The following DIAPH3 variants were observed in gnomAD, a reference collection of about 807,000 sequenced individuals.
DIAPH3 encodes protein diaphanous homolog 3.
Under a neutral mutation model 144.3 loss-of-function variants are expected in DIAPH3, and 117 were observed. The observed-to-expected ratio is 0.81, with a 90% CI of 0.70 to 0.95. DIAPH3 has a LOEUF of 0.95. Among genes scored for constraint, DIAPH3 ranks in the 40% least tolerant of loss-of-function variants. The probability of loss-of-function intolerance (pLI) is 0.00; values close to 1 mark genes in which losing one functional copy is unlikely to be tolerated. For synonymous variants in DIAPH3, 519 were observed against 488.9 expected (o/e 1.06, Z -0.81); for missense variants, 1,421 against 1,412.7 (o/e 1.01, Z -0.09).
At chr13:60,056,854 G>A (rs1054112046) in intron 4 of DIAPH3, among the ~76,000 whole-genome samples, 2 of 151,890 alleles carry the variant, frequency 1.3e-5, no homozygotes, top group African/African-American at 4.8e-5. Flanking sequence ...ACAACAATGT[G>A]CTGGAACTAG....
chr13:59,774,611 C>T lies in DIAPH3; in HGVS notation c.3259+117G>A, dbSNP rs1313991667. The T allele has an allele frequency of 4.2e-6, 4 of 957,596 alleles. No homozygotes were observed. The Admixed American group carries it at 5.9e-5, about 14-fold the overall frequency. The allele number at this position is 957,596 out of a possible 1,614,324, so 59.3% of individuals were successfully genotyped here. A position where few individuals can be genotyped will look rare whatever the true frequency, so the allele number is the denominator to read the frequency against. On this transcript the variant is annotated intron_variant, in intron 26 of 27. Transcript: ENST00000400324. Reference sequence around the variant, plus strand: ...TAAGCAAACTTATGAAACTTCTGAACAGTTGTTGCCCACGGCACTGCATTC... The same window carrying T: ...TAAGCAAACTTATGAAACTTCTGAATAGTTGTTGCCCACGGCACTGCATTC...
chr13:59,782,629 C>T (rs1385887803), intron 25 of DIAPH3, among the ~76,000 whole-genome samples: 1 of 152,018 alleles, frequency 6.6e-6, no homozygotes, highest in Non-Finnish European at 1.5e-5. Context: ...GATTCTTGAC[C>T]TAAAGATGCT....
At chr13:59,861,184 T>A (rs2043558592) in intron 22 of DIAPH3, 1 of 1,407,250 alleles carries the variant, frequency 7.1e-7, no homozygotes, top group Admixed American at 2.8e-5. Context: ...TAAAACAAAG[T>A]ATTTTATAAT....
intron 22 of DIAPH3, among the ~76,000 whole-genome samples, chr13:59,853,103 C>T (rs150855698): frequency 1.1e-3 from 161 of 152,272 alleles, no homozygotes; most frequent in African/African-American, 3.6e-3. Flanking sequence ...GAATAAGAAA[C>T]TTGTCTAAGA....
intron 18 of DIAPH3, among the ~76,000 whole-genome samples, chr13:59,921,432 G>C (rs1173050765): frequency 6.6e-6 from 1 of 151,404 alleles, no homozygotes; most frequent in Non-Finnish European, 1.5e-5. Context: ...AATTATATGA[G>C]ACTATTTTGA....
chr13:59,734,453 G>A (rs1046930320), intron 27 of DIAPH3, among the ~76,000 whole-genome samples: 2 of 152,038 alleles, frequency 1.3e-5, no homozygotes, highest in African/African-American at 2.4e-5. Context: ...TTATTGAATT[G>A]ATGAGTAGAT....
chr13:60,030,920 G>A (rs570534894), intron 5 of DIAPH3, among the ~76,000 whole-genome samples: 1 of 152,120 alleles, frequency 6.6e-6, no homozygotes, highest in African/African-American at 2.4e-5. Flanking sequence ...GTTCAAATGC[G>A]CTAAACTTCT....
intron 5 of DIAPH3, among the ~76,000 whole-genome samples, chr13:60,039,008 C>A (rs1225440882): frequency 3.3e-5 from 5 of 151,846 alleles, no homozygotes; most frequent in African/African-American, 1.2e-4. Context: ...AGAAATTGGT[C>A]TTTTCCCTGG....
At chr13:59,948,960 A>C (rs1392035132) in intron 17 of DIAPH3, among the ~76,000 whole-genome samples, 1 of 152,208 alleles carries the variant, frequency 6.6e-6, no homozygotes, top group Non-Finnish European at 1.5e-5. Flanking sequence ...TACATGATTC[A>C]TTAATCAGGT....
At chr13:60,054,147 G>A (rs777854319) in intron 4 of DIAPH3, among the ~76,000 whole-genome samples, 6 of 151,902 alleles carry the variant, frequency 3.9e-5, no homozygotes, top group Non-Finnish European at 7.4e-5. Context: ...TCAACTGCTG[G>A]TGATAGCTTA....
chr13:59,845,803 C>T (rs1025427811), intron 22 of DIAPH3, among the ~76,000 whole-genome samples: 10 of 152,212 alleles, frequency 6.6e-5, no homozygotes, highest in African/African-American at 2.2e-4. Context: ...TTACTACTCT[C>T]TATTTACATT....
chr13:60,127,329 G>GA (rs535087422), intron 2 of DIAPH3, among the ~76,000 whole-genome samples: 156 of 151,204 alleles, frequency 1.0e-3, no homozygotes, highest in African/African-American at 3.6e-3. Flanking sequence ...GCTCACTTAG[G>GA]AAAAAATAGA....
At chr13:59,846,541 C>A (rs917210516) in intron 22 of DIAPH3, among the ~76,000 whole-genome samples, 10 of 152,142 alleles carry the variant, frequency 6.6e-5, no homozygotes, top group African/African-American at 2.4e-4. Context: ...AAAGCTATAG[C>A]AACATTTTAT....
chr13:59,886,429 T>C (rs2045454652), intron 20 of DIAPH3, among the ~76,000 whole-genome samples: 1 of 152,144 alleles, frequency 6.6e-6, no homozygotes, highest in South Asian at 2.1e-4. Context: ...TCTTTAAAAT[T>C]GGTTTTCTAT....
At chr13:60,046,866 C>T (rs1228190702) in intron 4 of DIAPH3, among the ~76,000 whole-genome samples, 1 of 151,816 alleles carries the variant, frequency 6.6e-6, no homozygotes, top group Non-Finnish European at 1.5e-5. Flanking sequence ...AGCAAACTAA[C>T]AACAAGAACA....
At chr13:60,056,271 A>G (rs1214010512) in intron 4 of DIAPH3, among the ~76,000 whole-genome samples, 1 of 150,902 alleles carries the variant, frequency 6.6e-6, no homozygotes, top group Non-Finnish European at 1.5e-5. Flanking sequence ...ATATATAGAA[A>G]AGAGAGAGAG....
At chr13:60,058,916 C>A (rs186961073) in intron 4 of DIAPH3, among the ~76,000 whole-genome samples, 3 of 151,960 alleles carry the variant, frequency 2.0e-5, no homozygotes, top group African/African-American at 7.2e-5. Context: ...CTTTTGGGTA[C>A]AATGTACACT....
intron 27 of DIAPH3, among the ~76,000 whole-genome samples, chr13:59,685,488 A>G (rs1353941422): frequency 6.6e-6 from 1 of 152,150 alleles, no homozygotes; most frequent in Admixed American, 6.6e-5. Context: ...CGCACAGAGC[A>G]TCCACTGAAT....
chr13:60,157,988 A>C (rs1342103148), intron 1 of DIAPH3, among the ~76,000 whole-genome samples: 1 of 152,092 alleles, frequency 6.6e-6, no homozygotes, highest in East Asian at 1.9e-4. Flanking sequence ...GGTCACCAGA[A>C]CTCTGCCCTC....
Sources: gnomAD v4.1 joint callset for allele counts (sites outside exome capture counted in the v4.1 genomes callset) on GRCh38, gnomAD v4.1.1 for gene constraint, MANE v1.5 for transcripts, NCBI Gene and HGNC (gene_info 2026-07-23, HGNC 2026-07-21) for gene names.